PADI4: variants seen among roughly 807,000 people sequenced by gnomAD.
The protein encoded by PADI4 is peptidyl arginine deiminase 4.
In PADI4, 62 loss-of-function variants were observed where a neutral mutation model predicts 75.0. The ratio of observed to expected loss-of-function variants is 0.83; its 90% CI spans 0.67 to 1.02. The LOEUF is 1.02. Ranked by LOEUF, PADI4 falls within the 50% of genes least tolerant of loss-of-function variation. The probability of loss-of-function intolerance (pLI) is 0.00; values close to 1 mark genes in which losing one functional copy is unlikely to be tolerated. For synonymous variants in PADI4, 361 were observed against 348.1 expected, an observed-to-expected ratio of 1.04 and a Z score of -0.41; for missense variants, 845 against 850.5, an observed-to-expected ratio of 0.99 and a Z score of 0.08.
At chr1:17,362,745 A>G (rs2074864173) in intron 15 of PADI4, among the ~76,000 whole-genome samples, 1 of 152,224 alleles carries the variant, frequency 6.6e-6, no homozygotes, top group African/African-American at 2.4e-5. Context: ...CTGTAGTCCA[A>G]GTATAGCTGG....
chr1:17,337,037 G>A (rs1222397139), intron 4 of PADI4, among the ~76,000 whole-genome samples: 1 of 152,234 alleles, frequency 6.6e-6, no homozygotes, highest in South Asian at 2.1e-4. Flanking sequence ...TTTGCTGAAT[G>A]AGTAATTAAG....
At chr1:17,331,782 G>C (rs191711612) in intron 2 of PADI4, among the ~76,000 whole-genome samples, 1 of 152,164 alleles carries the variant, frequency 6.6e-6, no homozygotes, top group Non-Finnish European at 1.5e-5. Flanking sequence ...GCTGGGCGTA[G>C]TGGCGAGCGC....
chr1:17,346,852 G>A lies in PADI4; in HGVS notation c.1047+713G>A, dbSNP rs1486351579. 2.0e-5 allele frequency among the ~76,000 whole-genome samples: 3 copies of A among 151,378 alleles called. No homozygotes were observed. Among genetic ancestry groups the A allele is most frequent in the Non-Finnish European group, 2.9e-5 (2 of 67,894 alleles). On this transcript the variant is annotated intron_variant, in intron 9 of 15. Coordinates refer to ENST00000375448, the MANE Select transcript of PADI4 (RefSeq NM_012387.3). This position sits in a 1 kb window ranked among gnomAD's most constrained non-coding sequence, Gnocchi z 4.3. ...GTGAATCCCAGCACAAATGCTCCTC[G>A]TCCATAAATTTCCCCCATCACCCCC...
chr1:17,333,894 T>G (rs1570029840), intron 2 of PADI4, 49 bp from the exon 3 acceptor site: 1 of 1,384,092 alleles, frequency 7.2e-7, no homozygotes, highest in Non-Finnish European at 1.0e-6. Context: ...GTCCAGTGGG[T>G]GTTTGTTGAA....
At chr1:17,352,513 T>C (rs1158333147) in intron 10 of PADI4, among the ~76,000 whole-genome samples, 1 of 151,920 alleles carries the variant, frequency 6.6e-6, no homozygotes, top group Admixed American at 6.6e-5. Context: ...AGGTGAGGGA[T>C]GCTGGGAGTG....
intron 1 of PADI4, among the ~76,000 whole-genome samples, chr1:17,328,807 A>G (rs2074157235): frequency 6.6e-6 from 1 of 151,968 alleles, no homozygotes; most frequent in Non-Finnish European, 1.5e-5. Flanking sequence ...TTTTGTATAC[A>G]ATGTTGGTTT....
chr1:17,359,117 A>G (rs1357155738), intron 14 of PADI4, among the ~76,000 whole-genome samples, 163 bp from the exon 15 acceptor site: 2 of 151,920 alleles, frequency 1.3e-5, no homozygotes, highest in African/African-American at 4.8e-5. Context: ...AGCACTGGCC[A>G]GAGGCCCCTC....
Position 17,342,041 on chromosome 1 carries a change from G to A in PADI4, c.751G>A (p.Val251Met), listed in dbSNP as rs200893896. The A allele has an allele frequency of 2.6e-5, 42 of 1,614,018 alleles. No individual in the cohort carries two copies. Among genetic ancestry groups the A allele is most frequent in the Admixed American group, 2.2e-4 (13 of 60,022 alleles). Reference sequence around the variant, plus strand: ...TGGAAAGCACAACATGGACTTCTACGTGGAGGCCCTCGCTTTCCCGGACAC... The same window carrying A: ...TGGAAAGCACAACATGGACTTCTACATGGAGGCCCTCGCTTTCCCGGACAC... ...PGGKHNMDFY[V>M]EALAFPDTDF... Residue 251 changes from valine to methionine, a missense_variant, in exon 7 of 16, where the codon GTG (valine) becomes ATG (methionine). Val to Met is a conservative substitution (Grantham distance 21, BLOSUM62 1). Transcript: ENST00000375448.
intron 1 of PADI4, among the ~76,000 whole-genome samples, chr1:17,317,512 G>A (rs914630207): frequency 6.8e-5 from 10 of 147,880 alleles, no homozygotes; most frequent in East Asian, 2.1e-4. Context: ...CTCGTGATCC[G>A]CCCGTCTCGG....
chr1:17,311,334 C>G (rs562242665), intron 1 of PADI4, among the ~76,000 whole-genome samples: 1 of 152,228 alleles, frequency 6.6e-6, no homozygotes, highest in Admixed American at 6.5e-5. Flanking sequence ...CGCAGCCCAC[C>G]CTGCCTCCAA....
At chr1:17,334,037 C>T (rs753114715) in intron 3 of PADI4, 28 bp downstream of exon 3, 87 of 1,411,952 alleles carry the variant, frequency 6.2e-5, no homozygotes, top group Non-Finnish European at 8.4e-5. Context: ...TCCTAGAGTG[C>T]CGTCTCATCC....
In PADI4 at chr1:17,356,276, A is replaced by G. The variant is rs1384526307; in HGVS notation, c.1456-81A>G. 1 of 1,263,146 alleles carries G rather than the reference A, an allele frequency of 7.9e-7. No individual in the cohort carries two copies. The highest frequency in any genetic ancestry group is 1.1e-6 in the Non-Finnish European group (1 of 900,422). 78.2% of individuals were successfully genotyped at this position (1,263,146 alleles called of 1,614,324 possible). A position where few individuals can be genotyped will look rare whatever the true frequency, so the allele number is the denominator to read the frequency against. ...GCCAGCTTGGGTCCAAGTCCACACTACTCCCACCCTCAGCAGATCCACCCT... is the reference window on the plus strand; with the variant it reads ...GCCAGCTTGGGTCCAAGTCCACACTGCTCCCACCCTCAGCAGATCCACCCT... On this transcript the variant is annotated intron_variant, in intron 12 of 15. Coordinates refer to ENST00000375448, the MANE Select transcript of PADI4 (RefSeq NM_012387.3). The surrounding 1 kb of genome is among the most constrained non-coding windows in gnomAD (Gnocchi z 4.1).
At chr1:17,339,245 T>G (rs912685840) in intron 5 of PADI4, among the ~76,000 whole-genome samples, 5 of 152,186 alleles carry the variant, frequency 3.3e-5, no homozygotes, top group African/African-American at 1.2e-4. Flanking sequence ...CCTTCTTGGC[T>G]ATTGTTCAAG....
chr1:17,313,062 C>T (rs529494456), intron 1 of PADI4, among the ~76,000 whole-genome samples: 5 of 151,850 alleles, frequency 3.3e-5, no homozygotes, highest in South Asian at 2.1e-4. Flanking sequence ...TGGTGGCGTG[C>T]GCCTGTAGTC....
chr1:17,342,050 C>T lies in PADI4; in HGVS notation c.760C>T (p.Leu254Phe). The stretch of plus-strand genomic sequence containing the variant: ...CAACATGGACTTCTACGTGGAGGCC[C>T]TCGCTTTCCCGGACACCGACTTCCC... ...KHNMDFYVEA[L>F]AFPDTDFPGL... The change falls in exon 7 of 16, where the codon CTC (leucine) becomes TTC (phenylalanine). Residue 254 changes from leucine to phenylalanine, a missense_variant. Transcript: ENST00000375448. The T allele has an allele frequency of 6.2e-7, 1 of 1,614,060 alleles. No homozygotes were observed. Among genetic ancestry groups the T allele is most frequent in the African/African-American group, 1.3e-5 (1 of 75,024 alleles).
intron 1 of PADI4, among the ~76,000 whole-genome samples, chr1:17,316,739 A>G (rs1341926079): frequency 6.7e-6 from 1 of 148,186 alleles, no homozygotes; most frequent in Non-Finnish European, 1.5e-5. Flanking sequence ...ATTAAAATAA[A>G]TAAATAAATA....
In PADI4 at chr1:17,329,004, TATTTATTAAGATATCTTAATATAATAA is replaced by T. The variant is rs1439091995; in HGVS notation, c.93-1961_93-1935del. Among the ~76,000 whole-genome samples, 830 of 148,350 alleles carry T rather than the reference TATTTATTAAGATATCTTAATATAATAA, an allele frequency of 5.6e-3. 10 individuals are homozygous for T. Among genetic ancestry groups the T allele is most frequent in the African/African-American group, 0.019 (795 of 40,950 alleles). ...CTATATTAAGATATTTTTATTATGATATTTATTAAGATATCTTAATATAATAAATTATATTAAGATATAATTTATTAA... is the reference window on the plus strand; with the variant it reads ...CTATATTAAGATATTTTTATTATGATATTATATTAAGATATAATTTATTAA... On this transcript the variant is annotated intron_variant, in intron 1 of 15. Transcript: ENST00000375448.
At position 17,354,691 on chromosome 1, in the gene PADI4, A is replaced by G. The variant is rs1464593335; in HGVS notation, c.1310+4A>G. On this transcript the variant is annotated splice_donor_region_variant and intron_variant, in intron 11 of 15. Transcript: ENST00000375448. ...TCGGGGACAGCTGTTATCCCAGGTA[A>G]GGAGGGGAGTAACAGGAAGGGGTGG... 6.3e-7 allele frequency: 1 copy of G among 1,596,432 alleles called. No individual in the cohort carries two copies. Among genetic ancestry groups the G allele is most frequent in the Admixed American group, 1.7e-5 (1 of 58,416 alleles).
intron 2 of PADI4, 65 bp from the exon 3 acceptor site, chr1:17,333,878 G>A (rs2074260562): frequency 3.1e-5 from 39 of 1,252,474 alleles, no homozygotes; most frequent in Non-Finnish European, 4.6e-5. Context: ...CGGCACATAG[G>A]AGGGGGTCCA....
Sources: gnomAD v4.1 joint callset for allele counts (sites outside exome capture counted in the v4.1 genomes callset) on GRCh38, gnomAD v4.1.1 for gene constraint, Gnocchi (gnomAD v3.1) non-coding constraint, MANE v1.5 for transcripts, NCBI Gene and HGNC (gene_info 2026-07-23, HGNC 2026-07-21) for gene names.